The following CNKSR2 variants were observed in gnomAD, a reference collection of about 807,000 sequenced individuals.
The protein encoded by CNKSR2 is CNK homolog protein 2.
In CNKSR2, 14 loss-of-function variants were observed where a neutral mutation model predicts 84.4. That is an observed-to-expected ratio of 0.17 (90% confidence interval 0.11 to 0.26). CNKSR2 has a LOEUF of 0.26. CNKSR2 is among the 10% of genes least tolerant of loss of function. The pLI, the probability that CNKSR2 is intolerant of heterozygous loss-of-function variation, is 1.00. For missense variants in CNKSR2, 485 were observed against 771.2 expected (o/e 0.63, Z 4.40); for synonymous variants, 275 against 277.9 (o/e 0.99, Z 0.10).
At chrX:21,590,729 G>T in intron 14 of CNKSR2, 109 bp downstream of exon 14, 3 of 782,931 alleles carry the variant, frequency 3.8e-6, no homozygotes, top group Non-Finnish European at 5.5e-6. Flanking sequence ...GTTTAGAAGA[G>T]CACAACCCCC....
Position 21,374,759 on chromosome X carries a change from A to T in CNKSR2, c.-139A>T, listed in dbSNP as rs367951000. ...AAAGACGTTACAGCCGCGAGACCCG[A>T]CACACAAAAGCCGCTTTCTCCGCGC... On this transcript the variant is annotated 5_prime_UTR_variant, in exon 1 of 22. Transcript: ENST00000379510. The T allele has an allele frequency of 9.2e-6, 5 of 546,087 alleles. No individual in the cohort carries two copies. The highest frequency in any genetic ancestry group is 2.3e-5 in the African/African-American group (1 of 44,337). The allele number at this position is 546,087 out of a possible 1,213,427, so 45.0% of individuals were successfully genotyped here.
In CNKSR2 at chrX:21,608,603, T is replaced by C. The variant is rs139502100; in HGVS notation, c.2146-468T>C. ...ACCCATAGGAGCAGACATTCTCCTATGAAGAAAAGGAAGGGTTCTTTCTGT... is the reference window on the plus strand; with the variant it reads ...ACCCATAGGAGCAGACATTCTCCTACGAAGAAAAGGAAGGGTTCTTTCTGT... On this transcript the variant is annotated intron_variant, in intron 19 of 21. Coordinates refer to ENST00000379510, the MANE Select transcript of CNKSR2 (RefSeq NM_014927.5). 1.0e-2 allele frequency among the ~76,000 whole-genome samples: 1,107 copies of C among 111,008 alleles called. 9 individuals carry two copies. The highest frequency in any genetic ancestry group is 0.034 in the African/African-American group (1,031 of 30,523).
intron 4 of CNKSR2, among the ~76,000 whole-genome samples, chrX:21,441,963 A>T (rs1454978814): frequency 1.8e-5 from 2 of 111,544 alleles, no homozygotes; most frequent in Non-Finnish European, 3.8e-5. Flanking sequence ...AACTGTCACA[A>T]ATGGCTTTTT....
chrX:21,603,336 A>G (rs1410246013), intron 18 of CNKSR2, among the ~76,000 whole-genome samples: 1 of 112,369 alleles, frequency 8.9e-6, no homozygotes. Context: ...ATGGTATTCC[A>G]TGTAGAAAAC....
At chrX:21,550,693 T>A (rs1175299890) in intron 11 of CNKSR2, among the ~76,000 whole-genome samples, 4 of 111,985 alleles carry the variant, frequency 3.6e-5, no homozygotes, top group Non-Finnish European at 7.5e-5. Flanking sequence ...ATAGACTGGA[T>A]AAAGAAAATG....
Position 21,440,691 on chromosome X carries a change from T to C in CNKSR2, c.432-3T>C, listed in dbSNP as rs1319219196. ...AATCACAATTTTCCTTTTCCCTTTA[T>C]AGGTCACCATTTGCTGCTGTGACAG... is the stretch of plus-strand genomic sequence containing the variant. On this transcript the variant is annotated splice_polypyrimidine_tract_variant and splice_region_variant and intron_variant, in intron 3 of 21. Coordinates refer to ENST00000379510, the MANE Select transcript of CNKSR2 (RefSeq NM_014927.5). 2.6e-6 allele frequency: 3 copies of C among 1,158,527 alleles called. No homozygotes were observed. Among genetic ancestry groups the C allele is most frequent in the Non-Finnish European group, 3.5e-6 (3 of 856,041 alleles).
rs183785929 is a variant in CNKSR2 at position 21,646,317 on chromosome X, T to C, written c.2693-2514T>C. 6.1e-4 allele frequency among the ~76,000 whole-genome samples: 68 copies of C among 112,082 alleles called. 1 individual carries two copies. Among genetic ancestry groups the C allele is most frequent in the African/African-American group, 2.0e-3 (63 of 30,911 alleles). On this transcript the variant is annotated intron_variant, in intron 20 of 21. Transcript: ENST00000379510. ...AAACCAGATTCTTTGTAGAATTATGTTGTCTTTTGATTGAATGCTTTTCTC... is the reference window on the plus strand; with the variant it reads ...AAACCAGATTCTTTGTAGAATTATGCTGTCTTTTGATTGAATGCTTTTCTC...
chrX:21,498,477 CTA>C (rs1206487995), intron 7 of CNKSR2, among the ~76,000 whole-genome samples: 10 of 81,206 alleles, frequency 1.2e-4, no homozygotes, highest in African/African-American at 1.1e-3. Flanking sequence ...GTCCACAGGC[CTA>C]TGTCTTTACA....
rs1212889341 is a variant in CNKSR2 at position 21,654,490 on chromosome X, C to T, written c.*1969C>T. Reference sequence around the variant, plus strand: ...GACTAGCTCTGTTGCTACTAAGCAGCTTTTACTTTTGTAAAGTCAGCTCTG... The same window carrying T: ...GACTAGCTCTGTTGCTACTAAGCAGTTTTTACTTTTGTAAAGTCAGCTCTG... On this transcript the variant is annotated 3_prime_UTR_variant, in exon 22 of 22. Coordinates refer to ENST00000379510, the MANE Select transcript of CNKSR2 (RefSeq NM_014927.5). 9.2e-6 allele frequency: 1 copy of T among 109,140 alleles called. No individual in the cohort carries two copies. The highest frequency in any genetic ancestry group is 1.9e-5 in the Non-Finnish European group (1 of 52,665). The allele number at this position is 109,140 out of a possible 1,213,427, so 9.0% of individuals were successfully genotyped here.
chrX:21,622,419 G>A (rs1286901924), intron 20 of CNKSR2, among the ~76,000 whole-genome samples: 1 of 110,792 alleles, frequency 9.0e-6, no homozygotes, highest in Non-Finnish European at 1.9e-5. Flanking sequence ...GACTTCATCT[G>A]CATCTCCTTT....
At chrX:21,604,110 C>T (rs2092501238) in intron 18 of CNKSR2, among the ~76,000 whole-genome samples, 1 of 111,920 alleles carries the variant, frequency 8.9e-6, no homozygotes, top group South Asian at 3.7e-4. Context: ...CCCAAAAGAG[C>T]CTAACTGAAA....
At chrX:21,620,922 G>T (rs181395088) in intron 20 of CNKSR2, among the ~76,000 whole-genome samples, 2 of 111,379 alleles carry the variant, frequency 1.8e-5, no homozygotes, top group Non-Finnish European at 3.8e-5. Context: ...TACCAGCCAG[G>T]AATTCCCAAG....
intron 20 of CNKSR2, among the ~76,000 whole-genome samples, chrX:21,611,968 A>C (rs1392120526): frequency 8.9e-6 from 1 of 111,985 alleles, no homozygotes; most frequent in Non-Finnish European, 1.9e-5. Flanking sequence ...GTGTACTTCA[A>C]ACTGTTCGTA....
intron 7 of CNKSR2, among the ~76,000 whole-genome samples, chrX:21,501,197 T>G (rs570397784): frequency 9.0e-6 from 1 of 111,187 alleles, no homozygotes; most frequent in Non-Finnish European, 1.9e-5. Flanking sequence ...CCAATTATCA[T>G]TTTTTCATAA....
intron 9 of CNKSR2, 117 bp from the exon 10 acceptor site, chrX:21,526,750 C>A: frequency 1.5e-6 from 1 of 665,756 alleles, no homozygotes. Context: ...TCAAAAACTG[C>A]AGAAATAGAT....
intron 5 of CNKSR2, among the ~76,000 whole-genome samples, chrX:21,475,421 C>T (rs2091250372): frequency 8.9e-6 from 1 of 111,741 alleles, no homozygotes; most frequent in Admixed American, 9.6e-5. Context: ...AGTAGCCAAC[C>T]ATTGACTAAC....
intron 11 of CNKSR2, among the ~76,000 whole-genome samples, chrX:21,541,289 T>C (rs2091975107): frequency 8.9e-6 from 1 of 111,890 alleles, no homozygotes; most frequent in South Asian, 3.7e-4. Context: ...CCTGAAAATA[T>C]CTTAATAGTA....
intron 4 of CNKSR2, among the ~76,000 whole-genome samples, chrX:21,441,650 A>G (rs1335670269): frequency 1.8e-5 from 2 of 111,823 alleles, no homozygotes; most frequent in Non-Finnish European, 3.8e-5. Flanking sequence ...TGTTCATCTA[A>G]TCATCTAATT....
intron 13 of CNKSR2, among the ~76,000 whole-genome samples, chrX:21,567,882 G>A (rs1438662891): frequency 4.6e-5 from 5 of 108,881 alleles, no homozygotes; most frequent in Non-Finnish European, 9.5e-5. Flanking sequence ...AAGAATAACT[G>A]AATTATTCTG....
Sources: allele counts gnomAD v4.1 joint callset (sites outside exome capture counted in the v4.1 genomes callset), GRCh38; gene constraint gnomAD v4.1.1; transcripts MANE v1.5; gene names NCBI Gene and HGNC (gene_info 2026-07-23, HGNC 2026-07-21).